Variants in CCDC80 observed in about 807,000 individuals in gnomAD.
The protein encoded by CCDC80 is coiled-coil domain-containing protein 80.
Under a neutral mutation model 78.7 loss-of-function variants are expected in CCDC80, and 49 were observed. The ratio of observed to expected loss-of-function variants is 0.62; its 90% CI spans 0.50 to 0.79. CCDC80 has a LOEUF of 0.79. Ranked by LOEUF, CCDC80 falls within the 30% of genes least tolerant of loss-of-function variation. The pLI is 0.00. For missense variants in CCDC80, 1,205 were observed against 1,198.6 expected (o/e 1.01, Z -0.08); for synonymous variants, 488 against 447.0 (o/e 1.09, Z -1.16).
intron 2 of CCDC80, among the ~76,000 whole-genome samples, chr3:112,632,038 C>T (rs1246041681): frequency 6.6e-6 from 1 of 152,106 alleles, no homozygotes; most frequent in Non-Finnish European, 1.5e-5. Context: ...CAAAATTTCT[C>T]CAAATTTATT....
intron 5 of CCDC80, among the ~76,000 whole-genome samples, chr3:112,613,300 T>C (rs10934177): frequency 0.98 from 148,556 of 152,184 alleles, 72,534 homozygotes; most frequent in Admixed American, 0.99. Context: ...GAGTTATGAC[T>C]ACAAATCAGG....
chr3:112,624,457 G>C (rs1417464435), intron 3 of CCDC80, among the ~76,000 whole-genome samples: 1 of 152,162 alleles, frequency 6.6e-6, no homozygotes, highest in African/African-American at 2.4e-5. Flanking sequence ...TTTCAGTTAG[G>C]ATAACCTTGG....
rs1265583262 is a variant in CCDC80, at chr3:112,636,580, A to G, written c.1878+1448T>C. On this transcript the variant is annotated intron_variant, in intron 2 of 7. Coordinates refer to ENST00000206423, the MANE Select transcript of CCDC80 (RefSeq NM_199511.3). ...TTGCTCTGAGTAATATTTCAAATGCACATTTAAACTTTCTGAAACAACACA... is the reference window on the plus strand; with the variant it reads ...TTGCTCTGAGTAATATTTCAAATGCGCATTTAAACTTTCTGAAACAACACA... Among the ~76,000 whole-genome samples the G allele has an allele frequency of 2.0e-5, 3 of 152,244 alleles. No homozygotes were observed. The East Asian group carries it at 5.8e-4, about 29-fold the overall frequency.
chr3:112,619,062 A>T lies in CCDC80; in HGVS notation c.2078T>A (p.Val693Glu). 1 of 1,607,320 alleles carries T rather than the reference A, an allele frequency of 6.2e-7. No individual in the cohort carries two copies. Among genetic ancestry groups the T allele is most frequent in the Non-Finnish European group, 8.5e-7 (1 of 1,177,944 alleles). Residue 693 changes from valine to glutamate, a missense_variant, in exon 4 of 8, where the codon GTA (valine) becomes GAA (glutamate). By Grantham distance (121) the Val-to-Glu change is moderately radical. Coordinates refer to ENST00000206423, the MANE Select transcript of CCDC80 (RefSeq NM_199511.3). ...CAGCTCGCTGATGAGACGCTGGTCT[A>T]CCAAGTCTTCATCATCCACCACTCG... ...PMRVVDDEDL[V>E]DQRLISELRK...
At chr3:112,614,979 C>G (rs2895403) in intron 5 of CCDC80, among the ~76,000 whole-genome samples, 65,271 of 152,024 alleles carry the variant, frequency 0.43, 14,795 homozygotes, top group Middle Eastern at 0.55. Flanking sequence ...AGGTGACGTG[C>G]TTGGCACAGA....
At position 112,603,423 on chromosome 3, in the gene CCDC80, G is replaced by A. The variant is rs993395760; in HGVS notation, c.*1994C>T. ...CCAGCTACTCAGGGGTCTGAGGCAG[G>A]AGAATCACTTGAACCCCGGAGGCAG... On this transcript the variant is annotated 3_prime_UTR_variant, in exon 8 of 8. Transcript: ENST00000206423. 1 of 151,430 alleles carries A rather than the reference G, an allele frequency of 6.6e-6. No homozygotes were observed. Among genetic ancestry groups the A allele is most frequent in the Non-Finnish European group, 1.5e-5 (1 of 67,908 alleles). 9.4% of individuals were successfully genotyped at this position (151,430 alleles called of 1,614,324 possible). A position where few individuals can be genotyped will look rare whatever the true frequency, so the allele number is the denominator to read the frequency against.
At chr3:112,637,869 C>T (rs1365021651) in intron 2 of CCDC80, among the ~76,000 whole-genome samples, 159 bp downstream of exon 2, 2 of 152,178 alleles carry the variant, frequency 1.3e-5, no homozygotes, top group African/African-American at 2.4e-5. Context: ...GAGCTACTGG[C>T]CTGCTGCCCT....
chr3:112,620,151 GTACCACAGACATTACTCTTCATTAA>G (rs1935833951), intron 3 of CCDC80, among the ~76,000 whole-genome samples: 1 of 152,152 alleles, frequency 6.6e-6, no homozygotes, highest in Non-Finnish European at 1.5e-5. Flanking sequence ...TATAATTTGA[GTACCACAGACATTACTCTTCATTAA>G]TAAAAAGGGG....
rs117007322 is a variant in CCDC80 at position 112,639,586 on chromosome 3, C to T, written c.320G>A (p.Arg107Lys). The T allele has an allele frequency of 1.7e-5, 27 of 1,614,168 alleles. No individual in the cohort carries two copies. In the East Asian group the frequency reaches 5.8e-4, roughly 35 times the overall value. Residue 107 changes from arginine (R) to lysine (K), a missense_variant, in exon 2 of 8, where the codon AGA becomes AAA. Transcript: ENST00000206423. ...INGAAVRPEQRPAARGSPREM... is the reference protein window; with the variant it reads ...INGAAVRPEQKPAARGSPREM... ...ACGCGGAGAGCCCCTGGCTGCTGGT[C>T]TTTGCTCAGGTCTCACGGCGGCCCC... is the stretch of plus-strand genomic sequence containing the variant.
At chr3:112,623,867 A>C (rs1334031324) in intron 3 of CCDC80, among the ~76,000 whole-genome samples, 1 of 152,128 alleles carries the variant, frequency 6.6e-6, no homozygotes, top group African/African-American at 2.4e-5. Flanking sequence ...TCACTTGTGC[A>C]CTCAACATTT....
Position 112,616,255 on chromosome 3 carries a change from A to G in CCDC80, c.2321+455T>C, listed in dbSNP as rs145787890. On this transcript the variant is annotated intron_variant, in intron 5 of 7. Coordinates refer to ENST00000206423, the MANE Select transcript of CCDC80 (RefSeq NM_199511.3). ...TAGTGGGGCTTTTGTTGTTTCCTGC[A>G]GAGTTGGAAGGAAGCGGAAAATCAA... is the stretch of plus-strand genomic sequence containing the variant. 4.9e-3 allele frequency among the ~76,000 whole-genome samples: 747 copies of G among 152,242 alleles called. 2 individuals carry two copies. The highest frequency in any genetic ancestry group is 6.2e-3 in the Non-Finnish European group (422 of 68,012).
chr3:112,639,089 TGATCTTCTC>T lies in CCDC80; in HGVS notation c.808_816del (p.Glu270_Ile272del), dbSNP rs1182058243. On this transcript the variant is annotated inframe_deletion, in exon 2 of 8. Transcript: ENST00000206423. ...CATTTCTGGACAAAGCCCTTCTGCC[TGATCTTCTC>T]GATCCTACGGATGGGGCCTTGGTCG... 6.2e-7 allele frequency: 1 copy of T among 1,613,886 alleles called. No homozygotes were observed. The highest frequency in any genetic ancestry group is 2.2e-5 in the East Asian group (1 of 44,878).
chr3:112,609,478 C>A (rs549087420), intron 6 of CCDC80, among the ~76,000 whole-genome samples: 5 of 152,142 alleles, frequency 3.3e-5, no homozygotes, highest in South Asian at 2.1e-4. Context: ...AAAAAAAATT[C>A]TTTCACTAAG....
At chr3:112,619,566 C>A (rs943552687) in intron 3 of CCDC80, among the ~76,000 whole-genome samples, 1 of 152,160 alleles carries the variant, frequency 6.6e-6, no homozygotes, top group Non-Finnish European at 1.5e-5. Flanking sequence ...CTTTGGGACC[C>A]AGTAAGCATG....
intron 5 of CCDC80, 124 bp from the exon 6 acceptor site, chr3:112,610,205 AC>A (rs1173027045): frequency 1.3e-6 from 1 of 772,412 alleles, no homozygotes; most frequent in Admixed American, 2.1e-5. Context: ...AAAGAAAAAA[AC>A]AGAGAACTGT....
chr3:112,622,875 C>T (rs1273146908), intron 3 of CCDC80, among the ~76,000 whole-genome samples: 4 of 147,154 alleles, frequency 2.7e-5, no homozygotes, highest in East Asian at 2.0e-4. Context: ...GGGGTTTCAC[C>T]ATGTTGGCCA....
rs750565244 is a variant in CCDC80 at position 112,638,900 on chromosome 3, C to A, written c.1006G>T (p.Ala336Ser). The A allele has an allele frequency of 8.7e-6, 14 of 1,613,220 alleles. No homozygotes were observed. Among genetic ancestry groups the A allele is most frequent in the Non-Finnish European group, 1.2e-5 (14 of 1,179,958 alleles). The change falls in exon 2 of 8, where the codon GCC becomes TCC. Residue 336 changes from alanine to serine, a missense_variant. Physicochemically the swap from Ala to Ser is moderately conservative, Grantham distance 99 (BLOSUM62 1). Coordinates refer to ENST00000206423, the MANE Select transcript of CCDC80 (RefSeq NM_199511.3). The part of the protein sequence containing the change: ...SRVKVLRKLA[A>S]TAPALPQPPS... ...GGTTGGGGCAAAGCTGGTGCAGTGG[C>A]GGCCAGTTTTCTCAGGACCTTCACC...
intron 2 of CCDC80, among the ~76,000 whole-genome samples, chr3:112,630,718 AAG>A (rs1191315079): frequency 6.6e-6 from 1 of 152,190 alleles, no homozygotes; most frequent in Admixed American, 6.5e-5. Flanking sequence ...TCACAGGGTT[AAG>A]AGAGTTTCAT....
intron 3 of CCDC80, among the ~76,000 whole-genome samples, chr3:112,621,532 C>A (rs1338956801): frequency 6.6e-6 from 1 of 152,210 alleles, no homozygotes; most frequent in Non-Finnish European, 1.5e-5. Flanking sequence ...TGAATGCTTA[C>A]TGTATGTGCC....
Sources: allele counts gnomAD v4.1 joint callset (sites outside exome capture counted in the v4.1 genomes callset), GRCh38; gene constraint gnomAD v4.1.1; transcripts MANE v1.5; gene names NCBI Gene and HGNC (gene_info 2026-07-23, HGNC 2026-07-21).